The following NOVA1 variants were observed in gnomAD, a reference collection of about 807,000 sequenced individuals.
NOVA1 encodes the protein NOVA alternative splicing regulator 1.
A neutral mutation model predicts 38.0 loss-of-function variants in NOVA1; 7 were observed. The ratio of observed to expected loss-of-function variants is 0.18; its 90% CI spans 0.10 to 0.35. The LOEUF (loss-of-function observed/expected upper bound fraction) is 0.35. Ranked by LOEUF, NOVA1 falls within the 10% of genes least tolerant of loss-of-function variation. The pLI is 1.00. For missense variants in NOVA1, 460 were observed against 616.0 expected, an observed-to-expected ratio of 0.75 and a Z score of 2.68; for synonymous variants, 270 against 232.5, an observed-to-expected ratio of 1.16 and a Z score of -1.47.
At chr14:26,579,861 A>T (rs911865232) in intron 2 of NOVA1, among the ~76,000 whole-genome samples, 2 of 152,222 alleles carry the variant, frequency 1.3e-5, no homozygotes, top group Admixed American at 1.3e-4. Context: ...CAGAGCCAAT[A>T]TCTTAAAACT....
chr14:26,571,636 G>A (rs2037784137), intron 2 of NOVA1, among the ~76,000 whole-genome samples: 1 of 152,140 alleles, frequency 6.6e-6, no homozygotes, highest in Non-Finnish European at 1.5e-5. Flanking sequence ...AGTTAACTAA[G>A]AATATCTCAC....
At chr14:26,479,298 T>A (rs1443145416) in intron 3 of NOVA1, 1 of 152,050 alleles carries the variant, frequency 6.6e-6, no homozygotes, top group Non-Finnish European at 1.5e-5. Context: ...CATGAAATAA[T>A]GTCATTTTCC....
intron 4 of NOVA1, among the ~76,000 whole-genome samples, chr14:26,459,550 G>A (rs1002256080): frequency 2.0e-5 from 3 of 152,028 alleles, no homozygotes. Flanking sequence ...TGTAAATAGT[G>A]AGTTGATAAA....
At chr14:26,486,173 A>G (rs1220222215) in intron 2 of NOVA1, among the ~76,000 whole-genome samples, 1 of 152,190 alleles carries the variant, frequency 6.6e-6, no homozygotes, top group Non-Finnish European at 1.5e-5. Context: ...ATTTTCAAAT[A>G]CATTTAAATT....
rs563161946 is a variant in NOVA1, at chr14:26,581,218, G to A, written c.280+14192C>T. ...GTATTCGTCGTACTTCCACAGAGGC[G>A]TTAAGAAGTACTGAACTGATGTGAT... On this transcript the variant is annotated intron_variant, in intron 2 of 4. Transcript: ENST00000539517. Among the ~76,000 whole-genome samples, 24 of 152,124 alleles carry A rather than the reference G, an allele frequency of 1.6e-4. No individual in the cohort carries two copies. In the South Asian group the frequency reaches 1.9e-3, roughly 12 times the overall value.
intron 2 of NOVA1, among the ~76,000 whole-genome samples, chr14:26,581,684 T>C (rs1893235627): frequency 6.6e-6 from 1 of 151,942 alleles, no homozygotes; most frequent in South Asian, 2.1e-4. Context: ...TGGAAAAAAA[T>C]GTATAACCTA....
chr14:26,524,877 T>A (rs1889188182), intron 2 of NOVA1, among the ~76,000 whole-genome samples: 2 of 152,174 alleles, frequency 1.3e-5, no homozygotes, highest in Non-Finnish European at 2.9e-5. Flanking sequence ...TATTTTACAA[T>A]GTGGAACAGG....
At chr14:26,572,369 C>G (rs1594558096) in intron 2 of NOVA1, among the ~76,000 whole-genome samples, 1 of 152,082 alleles carries the variant, frequency 6.6e-6, no homozygotes, top group Admixed American at 6.6e-5. Context: ...ATAAATAAAA[C>G]AGGAAACACA....
chr14:26,534,458 T>C (rs901158642), intron 2 of NOVA1, among the ~76,000 whole-genome samples: 3 of 151,634 alleles, frequency 2.0e-5, no homozygotes, highest in Non-Finnish European at 4.4e-5. Flanking sequence ...AAAGAAGTAA[T>C]AAAATATGAA....
Position 26,448,641 on chromosome 14 carries a change from G to T in NOVA1, c.842C>A (p.Thr281Asn). ...TAATAGCCCTGCAGCTGCTGCAGCAGTTGGTAACACTTCAGCAGTGTTTGC... is the reference window on the plus strand; with the variant it reads ...TAATAGCCCTGCAGCTGCTGCAGCATTTGGTAACACTTCAGCAGTGTTTGC... ...PYANTAEVLP[T>N]AAAAAGLLGH... Residue 281 changes from threonine (T) to asparagine (N), a missense_variant, in exon 5 of 5, where the codon ACT becomes AAT. Transcript: ENST00000539517. This position sits in a 1 kb window ranked among gnomAD's most constrained non-coding sequence, Gnocchi z 5.3. 1 of 1,614,250 alleles carries T rather than the reference G, an allele frequency of 6.2e-7. No individual in the cohort carries two copies. Among genetic ancestry groups the T allele is most frequent in the Non-Finnish European group, 8.5e-7 (1 of 1,180,046 alleles).
At chr14:26,535,680 G>T (rs370263693) in intron 2 of NOVA1, among the ~76,000 whole-genome samples, 2 of 152,074 alleles carry the variant, frequency 1.3e-5, no homozygotes, top group African/African-American at 4.8e-5. Flanking sequence ...TACATAGGCC[G>T]GGCGTGGTGG....
Position 26,448,343 on chromosome 14 carries a change from C to T in NOVA1, c.1140G>A (p.Ala380=), listed in dbSNP as rs149607158. The T allele has an allele frequency of 2.9e-5, 46 of 1,613,960 alleles. No homozygotes were observed. Among genetic ancestry groups the T allele is most frequent in the East Asian group, 1.6e-4 (7 of 44,874 alleles). ...SASGSTAGGT[A]GTFALGSLAA... ...CCAGGCTACCTAATGCAAATGTCCCCGCCGTACCACCAGCTGTGCTGCCAC... is the reference window on the plus strand; with the variant it reads ...CCAGGCTACCTAATGCAAATGTCCCTGCCGTACCACCAGCTGTGCTGCCAC... Residue 380 remains alanine (A), a synonymous_variant, in exon 5 of 5, where the codon GCG becomes GCA. Coordinates refer to ENST00000539517, the MANE Select transcript of NOVA1 (RefSeq NM_002515.3). The surrounding 1 kb of genome is among the most constrained non-coding windows in gnomAD (Gnocchi z 5.3).
chr14:26,548,527 A>G (rs971204810), intron 2 of NOVA1, among the ~76,000 whole-genome samples: 2 of 152,150 alleles, frequency 1.3e-5, no homozygotes, highest in Non-Finnish European at 2.9e-5. Context: ...CAGAAAAGAG[A>G]TAAAATGTCA....
chr14:26,553,492 G>A (rs1308347742), intron 2 of NOVA1, among the ~76,000 whole-genome samples: 4 of 151,998 alleles, frequency 2.6e-5, no homozygotes, highest in Non-Finnish European at 5.9e-5. Flanking sequence ...CTCTCAGTTG[G>A]ACCTCTGCTT....
chr14:26,542,193 T>A (rs1890505777), intron 2 of NOVA1, among the ~76,000 whole-genome samples: 1 of 151,946 alleles, frequency 6.6e-6, no homozygotes, highest in South Asian at 2.1e-4. Flanking sequence ...AGTTGATTTA[T>A]CATCTTTCAG....
intron 2 of NOVA1, among the ~76,000 whole-genome samples, chr14:26,545,061 G>A (rs1302202847): frequency 6.6e-6 from 1 of 151,904 alleles, no homozygotes; most frequent in Non-Finnish European, 1.5e-5. Flanking sequence ...ATTTGTTTAG[G>A]GAACACATCT....
At chr14:26,560,023 A>G (rs775865275) in intron 2 of NOVA1, among the ~76,000 whole-genome samples, 11 of 152,066 alleles carry the variant, frequency 7.2e-5, no homozygotes, top group Non-Finnish European at 1.6e-4. Flanking sequence ...GTAATTTAAT[A>G]CATTTTGTAT....
intron 2 of NOVA1, chr14:26,549,789 A>G (rs1385211832): frequency 7.8e-7 from 1 of 1,278,678 alleles, no homozygotes; most frequent in Admixed American, 2.3e-5. Context: ...CACCTAGGGG[A>G]AAGTGCGCTG....
intron 4 of NOVA1, 138 bp downstream of exon 4, chr14:26,472,182 C>A (rs1195707290): frequency 3.3e-6 from 2 of 597,742 alleles, no homozygotes; most frequent in Admixed American, 2.7e-5. Context: ...ATATTTCTTT[C>A]TTAGGTTATT....
Sources: allele counts gnomAD v4.1 joint callset (sites outside exome capture counted in the v4.1 genomes callset), GRCh38; gene constraint gnomAD v4.1.1; non-coding constraint Gnocchi (gnomAD v3.1); transcripts MANE v1.5; gene names NCBI Gene and HGNC (gene_info 2026-07-23, HGNC 2026-07-21).